The following CHN2 variants were observed in gnomAD, a reference collection of about 807,000 sequenced individuals.
CHN2 encodes chimerin 2.
A neutral mutation model predicts 56.3 loss-of-function variants in CHN2; 35 were observed. The observed-to-expected ratio is 0.62, with a 90% confidence interval of 0.47 to 0.82. CHN2 has a LOEUF of 0.82. Among genes scored for constraint, CHN2 ranks in the 40% least tolerant of loss-of-function variants. The probability of loss-of-function intolerance (pLI) is 0.00; values close to 1 mark genes in which losing one functional copy is unlikely to be tolerated. For missense variants in CHN2, 491 were observed against 580.5 expected (o/e 0.85, Z 1.58); for synonymous variants, 210 against 212.8 (o/e 0.99, Z 0.12).
chr7:29,409,651 C>T (rs911998229), intron 6 of CHN2, among the ~76,000 whole-genome samples: 1 of 152,080 alleles, frequency 6.6e-6, no homozygotes, highest in Admixed American at 6.6e-5. Context: ...TAAATGTGGG[C>T]TTTAAAATAT....
intron 9 of CHN2, 100 bp from the exon 10 acceptor site, chr7:29,504,644 C>T: frequency 4.0e-6 from 3 of 743,458 alleles, no homozygotes; most frequent in Non-Finnish European, 6.7e-6. Flanking sequence ...TATGTTTGCT[C>T]ATTTTCTGAT....
chr7:29,359,892 A>G (rs902707857), intron 2 of CHN2, among the ~76,000 whole-genome samples: 3 of 152,220 alleles, frequency 2.0e-5, no homozygotes, highest in African/African-American at 7.2e-5. Context: ...CAGCAGATGC[A>G]GTGGCTGACA....
intron 1 of CHN2, among the ~76,000 whole-genome samples, chr7:29,329,302 T>G (rs148685066): frequency 6.8e-6 from 1 of 146,808 alleles, no homozygotes; most frequent in East Asian, 2.0e-4. Context: ...AAATTATGAG[T>G]GTTGACAGCA....
intron 1 of CHN2, among the ~76,000 whole-genome samples, chr7:29,298,596 C>T (rs1362454237): frequency 3.3e-5 from 5 of 152,108 alleles, no homozygotes; most frequent in Non-Finnish European, 7.4e-5. Flanking sequence ...AAAAAGGAAA[C>T]CTCCGAGTAA....
intron 2 of CHN2, among the ~76,000 whole-genome samples, chr7:29,361,831 T>C (rs1038540390): frequency 6.6e-6 from 1 of 152,240 alleles, no homozygotes; most frequent in African/African-American, 2.4e-5. Context: ...TTGTTGATTC[T>C]CTTTTGAATC....
intron 6 of CHN2, among the ~76,000 whole-genome samples, chr7:29,466,228 G>GAGGAAGGA (rs70980538): frequency 0.29 from 43,481 of 150,658 alleles, 6,796 homozygotes; most frequent in Non-Finnish European, 0.34. Context: ...GAGAGGAAGA[G>GAGGAAGGA]AGGAAGGAAG....
chr7:29,419,958 G>C (rs1245042926), intron 6 of CHN2, among the ~76,000 whole-genome samples: 1 of 151,896 alleles, frequency 6.6e-6, no homozygotes, highest in Non-Finnish European at 1.5e-5. Flanking sequence ...TACTCGGGAG[G>C]CCGAGGCAGA....
intron 1 of CHN2, among the ~76,000 whole-genome samples, chr7:29,295,590 A>C (rs1408432706): frequency 6.6e-6 from 1 of 152,140 alleles, no homozygotes; most frequent in African/African-American, 2.4e-5. Flanking sequence ...AAAAAAAAAA[A>C]AATTAAAAAA....
Position 29,507,330 on chromosome 7 carries a change from CAT to C in CHN2, c.1097_1098del (p.Tyr366Ter). ...AGAGACTTACCCATCCCTGTCATCACATATGATACCTATTCCAAATTTATAGA... is the reference window on the plus strand; with the variant it reads ...AGAGACTTACCCATCCCTGTCATCACATGATACCTATTCCAAATTTATAGA... On this transcript the variant is annotated frameshift_variant, in exon 11 of 13. Coordinates refer to ENST00000222792, the MANE Select transcript of CHN2 (RefSeq NM_004067.4). LOFTEE classifies it high-confidence loss of function. 6.2e-7 allele frequency: 1 copy of C among 1,611,898 alleles called. No individual in the cohort carries two copies. The highest frequency in any genetic ancestry group is 2.2e-5 in the East Asian group (1 of 44,860).
At chr7:29,252,291 A>G (rs1788617487) in intron 1 of CHN2, among the ~76,000 whole-genome samples, 1 of 147,618 alleles carries the variant, frequency 6.8e-6, no homozygotes, top group Non-Finnish European at 1.5e-5. Flanking sequence ...CAGGTTCACG[A>G]GATTCTTCTG....
chr7:29,267,083 A>G (rs999416558), intron 1 of CHN2, among the ~76,000 whole-genome samples: 1 of 151,870 alleles, frequency 6.6e-6, no homozygotes, highest in Non-Finnish European at 1.5e-5. Context: ...CTGCTGTAGT[A>G]GCTCTTAGAA....
rs59954760 is a variant in CHN2, at chr7:29,390,053, C to CAAAA, written c.145-3612_145-3609dup. 5.2e-3 allele frequency among the ~76,000 whole-genome samples: 631 copies of CAAAA among 121,892 alleles called. 6 individuals carry two copies. Among genetic ancestry groups the CAAAA allele is most frequent in the South Asian group, 0.011 (38 of 3,520 alleles). The allele number at this position is 121,892 out of a possible 152,430, so 80.0% of individuals were successfully genotyped here. On this transcript the variant is annotated intron_variant, in intron 3 of 12. Transcript: ENST00000222792. ...TGGGCAACAGAGCGAGACACTGTCTCAAAAAAAAAAAAAAAAAGAATCAGC... is the reference window on the plus strand; with the variant it reads ...TGGGCAACAGAGCGAGACACTGTCTCAAAAAAAAAAAAAAAAAAAAAGAATCAGC...
intron 1 of CHN2, among the ~76,000 whole-genome samples, chr7:29,275,197 A>G (rs1241428736): frequency 6.6e-6 from 1 of 152,112 alleles, no homozygotes; most frequent in Non-Finnish European, 1.5e-5. Flanking sequence ...TAGTATACGT[A>G]TAAGTTTCTT....
chr7:29,205,056 C>T (rs1255438165), intron 1 of CHN2, among the ~76,000 whole-genome samples: 1 of 152,214 alleles, frequency 6.6e-6, no homozygotes, highest in Non-Finnish European at 1.5e-5. Flanking sequence ...AAATGCACAA[C>T]AGCCTTTCAG....
intron 3 of CHN2, among the ~76,000 whole-genome samples, chr7:29,390,684 TAC>T (rs1165646642): frequency 1.3e-5 from 2 of 152,214 alleles, no homozygotes; most frequent in African/African-American, 2.4e-5. Flanking sequence ...GAAATTGAGT[TAC>T]AGTTTCTTTA....
At chr7:29,342,931 A>G (rs1171501939) in intron 1 of CHN2, among the ~76,000 whole-genome samples, 2 of 152,232 alleles carry the variant, frequency 1.3e-5, no homozygotes, top group African/African-American at 2.4e-5. Context: ...TAGATTCTGC[A>G]TCTTGCCTTT....
At chr7:29,457,362 G>T (rs1784844366) in intron 6 of CHN2, among the ~76,000 whole-genome samples, 1 of 152,102 alleles carries the variant, frequency 6.6e-6, no homozygotes, top group Non-Finnish European at 1.5e-5. Flanking sequence ...TGGAAAGGGA[G>T]ACCATGTTCC....
intron 2 of CHN2, among the ~76,000 whole-genome samples, chr7:29,366,292 G>A (rs1216414325): frequency 6.6e-6 from 1 of 152,266 alleles, no homozygotes; most frequent in East Asian, 1.9e-4. Context: ...GGAGAAGAAA[G>A]AGAATGCGAC....
At chr7:29,224,082 C>T (rs957598590) in intron 1 of CHN2, among the ~76,000 whole-genome samples, 1 of 152,136 alleles carries the variant, frequency 6.6e-6, no homozygotes, top group Admixed American at 6.6e-5. Context: ...GGAGTAGCAG[C>T]AGCAAATGAA....
Sources: gnomAD v4.1 joint callset for allele counts (sites outside exome capture counted in the v4.1 genomes callset) on GRCh38, gnomAD v4.1.1 for gene constraint, MANE v1.5 for transcripts, NCBI Gene and HGNC (gene_info 2026-07-23, HGNC 2026-07-21) for gene names.